XIRP2: variants seen among roughly 807,000 people sequenced by gnomAD.
XIRP2 encodes the protein xin actin binding repeat containing 2.
Under a neutral mutation model 277.0 loss-of-function variants are expected in XIRP2, and 236 were observed. The observed-to-expected ratio is 0.85, with a 90% confidence interval of 0.77 to 0.95. The LOEUF (loss-of-function observed/expected upper bound fraction) is 0.95, where lower values mean the gene tolerates loss of function less well. Among genes scored for constraint, XIRP2 ranks in the 40% least tolerant of loss-of-function variants. The probability of loss-of-function intolerance (pLI) is 0.00; values close to 1 mark genes in which losing one functional copy is unlikely to be tolerated. For synonymous variants in XIRP2, 1,490 were observed against 1,416.5 expected (o/e 1.05, Z -1.17); for missense variants, 4,640 against 4,157.5 (o/e 1.12, Z -3.19).
chr2:167,136,684 G>A (rs1320861937), intron 3 of XIRP2, among the ~76,000 whole-genome samples: 2 of 152,056 alleles, frequency 1.3e-5, no homozygotes, highest in South Asian at 2.1e-4. Context: ...TAACTTATTG[G>A]AAAATACAGA....
chr2:167,121,414 A>T (rs1470687227), intron 2 of XIRP2, among the ~76,000 whole-genome samples: 1 of 152,170 alleles, frequency 6.6e-6, no homozygotes. Context: ...TAAAAAATGG[A>T]TGTGAAAACA....
rs187373474 is a variant in XIRP2 at position 166,969,146 on chromosome 2, A to T, written c.408+65256A>T. 3.3e-5 allele frequency among the ~76,000 whole-genome samples: 5 copies of T among 152,096 alleles called. No individual in the cohort carries two copies. The East Asian group carries it at 7.8e-4, about 24-fold the overall frequency. The stretch of plus-strand genomic sequence containing the variant: ...TCTACGTGTTTCTTCATTCACATCC[A>T]GGGAGTGAAAAAAATATTGAATATA... On this transcript the variant is annotated intron_variant, in intron 2 of 10. Coordinates refer to ENST00000409195, the MANE Select transcript of XIRP2 (RefSeq NM_152381.6).
intron 2 of XIRP2, among the ~76,000 whole-genome samples, chr2:167,064,447 A>G (rs939873180): frequency 3.3e-5 from 5 of 152,034 alleles, no homozygotes; most frequent in Non-Finnish European, 4.4e-5. Flanking sequence ...TGCCTATCAC[A>G]TATATCTCAA....
intron 2 of XIRP2, among the ~76,000 whole-genome samples, chr2:167,071,350 C>T (rs1201424554): frequency 7.6e-6 from 1 of 130,976 alleles, no homozygotes; most frequent in Non-Finnish European, 1.5e-5. Flanking sequence ...AACATCTACA[C>T]CAAAAAAATG....
At chr2:166,998,994 T>A (rs1687296201) in intron 2 of XIRP2, among the ~76,000 whole-genome samples, 1 of 152,208 alleles carries the variant, frequency 6.6e-6, no homozygotes, top group Non-Finnish European at 1.5e-5. Flanking sequence ...ATTTAAAATA[T>A]CTACATTTCT....
intron 2 of XIRP2, among the ~76,000 whole-genome samples, chr2:167,007,701 T>TCACA (rs1429428352): frequency 1.3e-3 from 149 of 115,260 alleles, no homozygotes; most frequent in African/African-American, 4.9e-3. Context: ...TCTCTCTCTC[T>TCACA]CTCACACACA....
In XIRP2 at chr2:167,259,136, C is replaced by T. The variant is rs202130263; in HGVS notation, c.*1319C>T. The T allele has an allele frequency of 2.9e-5, 46 of 1,612,282 alleles. No homozygotes were observed. The East Asian group carries it at 9.6e-4, about 34-fold the overall frequency. On this transcript the variant is annotated 3_prime_UTR_variant, in exon 11 of 11. Transcript: ENST00000409195. ...TTGTGATTTAATAGATTCTGTAGAT[C>T]AAATTAAAAATATGCCATGCTTGGA... is the stretch of plus-strand genomic sequence containing the variant.
At chr2:167,225,069 A>T (rs2105409207) in intron 5 of XIRP2, among the ~76,000 whole-genome samples, 1 of 152,372 alleles carries the variant, frequency 6.6e-6, no homozygotes, top group African/African-American at 2.4e-5. Context: ...AAGGTGGACC[A>T]AGAAAGAAAT....
At chr2:167,164,242 C>A (rs1021807864) in intron 3 of XIRP2, among the ~76,000 whole-genome samples, 30 of 151,600 alleles carry the variant, frequency 2.0e-4, no homozygotes, top group African/African-American at 6.6e-4. Context: ...AGGTCGAGAC[C>A]ATCCTGGCTA....
At chr2:166,927,904 T>C (rs912991097) in intron 2 of XIRP2, among the ~76,000 whole-genome samples, 3 of 152,158 alleles carry the variant, frequency 2.0e-5, no homozygotes, top group African/African-American at 7.2e-5. Flanking sequence ...TTTTCTTTAG[T>C]TGGCCCATAG....
chr2:167,108,180 GT>G, intron 2 of XIRP2, among the ~76,000 whole-genome samples: 1 of 151,866 alleles, frequency 6.6e-6, no homozygotes, highest in East Asian at 1.9e-4. Flanking sequence ...ATATCCACAA[GT>G]TATGTATTAA....
rs1401666363 is a variant in XIRP2 at position 167,194,908 on chromosome 2, TTAC to T, written c.563-15821_563-15819del. ...GCTGTATAAGCTTTTGTTATTAATA[TTAC>T]TACTATTATTATTTACTATATGAGT... On this transcript the variant is annotated intron_variant, in intron 3 of 10. Coordinates refer to ENST00000409195, the MANE Select transcript of XIRP2 (RefSeq NM_152381.6). Among the ~76,000 whole-genome samples, 8 of 152,282 alleles carry T rather than the reference TTAC, an allele frequency of 5.3e-5. No individual in the cohort carries two copies. The East Asian group carries it at 1.5e-3, about 29-fold the overall frequency.
At chr2:167,057,411 G>A (rs141294962) in intron 2 of XIRP2, among the ~76,000 whole-genome samples, 2 of 152,238 alleles carry the variant, frequency 1.3e-5, no homozygotes, top group African/African-American at 4.8e-5. Flanking sequence ...ACCAGGATAG[G>A]AGAAGAATAA....
intron 1 of XIRP2, chr2:166,889,962 G>C (rs1329133814): frequency 8.7e-6 from 1 of 114,430 alleles, no homozygotes; most frequent in Non-Finnish European, 2.2e-5. Flanking sequence ...TATTTCTGTT[G>C]ATGTAGCTAA....
intron 2 of XIRP2, among the ~76,000 whole-genome samples, chr2:166,936,658 A>G (rs1328360226): frequency 1.3e-5 from 2 of 152,218 alleles, no homozygotes; most frequent in Non-Finnish European, 2.9e-5. Context: ...AGAACCATTT[A>G]TTAAATAGGG....
chr2:167,074,470 T>A (rs1221662898), intron 2 of XIRP2, among the ~76,000 whole-genome samples: 3 of 152,200 alleles, frequency 2.0e-5, no homozygotes, highest in Non-Finnish European at 4.4e-5. Context: ...AAAAAGTCAT[T>A]CCATTTTAAA....
At chr2:166,953,719 G>A (rs1307249893) in intron 2 of XIRP2, among the ~76,000 whole-genome samples, 1 of 151,782 alleles carries the variant, frequency 6.6e-6, no homozygotes, top group Non-Finnish European at 1.5e-5. Flanking sequence ...TACCTCTGGT[G>A]CACCGTCACT....
intron 2 of XIRP2, among the ~76,000 whole-genome samples, chr2:167,013,188 T>G (rs1687729158): frequency 6.6e-6 from 1 of 151,520 alleles, no homozygotes; most frequent in Non-Finnish European, 1.5e-5. Flanking sequence ...TTTATCAATA[T>G]ATTTCTGTTC....
At chr2:167,189,110 C>T (rs997663047) in intron 3 of XIRP2, among the ~76,000 whole-genome samples, 1 of 152,154 alleles carries the variant, frequency 6.6e-6, no homozygotes, top group African/African-American at 2.4e-5. Flanking sequence ...TTTACCTTTA[C>T]CATGTTTGAA....
Sources: allele counts gnomAD v4.1 joint callset (sites outside exome capture counted in the v4.1 genomes callset), GRCh38; gene constraint gnomAD v4.1.1; transcripts MANE v1.5; gene names NCBI Gene and HGNC (gene_info 2026-07-23, HGNC 2026-07-21).